TMEM132B: variants seen among roughly 807,000 people sequenced by gnomAD.
TMEM132B encodes transmembrane protein 132B.
In TMEM132B, 18 loss-of-function variants were observed where a neutral mutation model predicts 90.8. That is an observed-to-expected ratio of 0.20 (90% CI 0.14 to 0.29). The LOEUF (loss-of-function observed/expected upper bound fraction) is 0.29. Among genes scored for constraint, TMEM132B ranks in the 10% least tolerant of loss-of-function variants. TMEM132B has a pLI of 1.00. For missense variants in TMEM132B, 1,096 were observed against 1,326.8 expected, an observed-to-expected ratio of 0.83 and a Z score of 2.70; for synonymous variants, 504 against 523.3, an observed-to-expected ratio of 0.96 and a Z score of 0.50.
intron 3 of TMEM132B, among the ~76,000 whole-genome samples, chr12:125,491,866 C>T (rs115297208): frequency 0.011 from 1,727 of 152,272 alleles, 42 homozygotes; most frequent in African/African-American, 0.04. Context: ...GTGCTTTTAC[C>T]TGAGGCCACT....
intron 3 of TMEM132B, among the ~76,000 whole-genome samples, chr12:125,508,758 CT>C (rs1004830895): frequency 6.8e-5 from 10 of 147,650 alleles, no homozygotes; most frequent in African/African-American, 1.7e-4. Flanking sequence ...TTAGAGTTTT[CT>C]TTTTTTTTCT....
chr12:125,579,739 G>A (rs985291493), intron 4 of TMEM132B, among the ~76,000 whole-genome samples: 3 of 152,040 alleles, frequency 2.0e-5, no homozygotes, highest in Non-Finnish European at 2.9e-5. Flanking sequence ...AAAAATAATT[G>A]TCATCTTTGT....
At chr12:125,241,397 C>G (rs1874064119) in intron 1 of TMEM132B, among the ~76,000 whole-genome samples, 1 of 152,172 alleles carries the variant, frequency 6.6e-6, no homozygotes, top group South Asian at 2.1e-4. Context: ...TTGTGATGCT[C>G]TATTTCAGCT....
intron 1 of TMEM132B, among the ~76,000 whole-genome samples, chr12:125,233,908 G>A (rs12367811): frequency 0.037 from 5,573 of 152,186 alleles, 120 homozygotes; most frequent in Non-Finnish European, 0.041. Flanking sequence ...CATAGCAGCC[G>A]TTTCATGAGC....
intron 5 of TMEM132B, among the ~76,000 whole-genome samples, chr12:125,628,996 C>A (rs926495717): frequency 6.6e-6 from 1 of 152,028 alleles, no homozygotes; most frequent in Non-Finnish European, 1.5e-5. Context: ...CTATTCTGTT[C>A]CATTGGTCTA....
chr12:125,541,095 C>T (rs992959314), intron 4 of TMEM132B, among the ~76,000 whole-genome samples: 1 of 152,228 alleles, frequency 6.6e-6, no homozygotes, highest in African/African-American at 2.4e-5. Context: ...TCAAATATCA[C>T]CTGGTAAGAG....
intron 4 of TMEM132B, among the ~76,000 whole-genome samples, chr12:125,548,840 CA>C (rs1402101175): frequency 2.0e-5 from 3 of 152,090 alleles, no homozygotes; most frequent in Non-Finnish European, 4.4e-5. Context: ...AAGGTCCAGG[CA>C]AGACACGATG....
At chr12:125,499,865 A>G (rs1407921074) in intron 3 of TMEM132B, among the ~76,000 whole-genome samples, 1 of 152,232 alleles carries the variant, frequency 6.6e-6, no homozygotes, top group Non-Finnish European at 1.5e-5. Flanking sequence ...TTACTGACGC[A>G]CACACTATAT....
Position 125,660,467 on chromosome 12 carries a change from A to G in TMEM132B, c.*5757A>G, listed in dbSNP as rs986272646. 6 of 152,172 alleles carry G rather than the reference A, an allele frequency of 3.9e-5. No homozygotes were observed. Among genetic ancestry groups the G allele is most frequent in the Non-Finnish European group, 8.8e-5 (6 of 68,034 alleles). 9.4% of individuals were successfully genotyped at this position (152,172 alleles called of 1,614,324 possible). ...AAATTTTTTGGTATTGAAATCCTTA[A>G]TGCCTGTTAGTTTCTTTATGGTTTT... On this transcript the variant is annotated 3_prime_UTR_variant, in exon 9 of 9. Coordinates refer to ENST00000682704, the MANE Select transcript of TMEM132B (RefSeq NM_001366854.1).
At chr12:125,353,377 AT>A (rs1416770116) in intron 2 of TMEM132B, among the ~76,000 whole-genome samples, 1 of 152,206 alleles carries the variant, frequency 6.6e-6, no homozygotes, top group African/African-American at 2.4e-5. Context: ...GCTACTCCTG[AT>A]ATAGAGATAA....
rs956541007 is a variant in TMEM132B at position 125,490,901 on chromosome 12, A to G, written c.1107-28538A>G. 1.3e-5 allele frequency among the ~76,000 whole-genome samples: 2 copies of G among 152,202 alleles called. No homozygotes were observed. The highest frequency in any genetic ancestry group is 2.9e-5 in the Non-Finnish European group (2 of 68,038). ...TTTCTTCCTTGCTGTTTCTTGGATC[A>G]TTCATTCTGGAGGAAGTTAGCTACC... On this transcript the variant is annotated intron_variant, in intron 3 of 8. Coordinates refer to ENST00000682704, the MANE Select transcript of TMEM132B (RefSeq NM_001366854.1). This position sits in a 1 kb window ranked among gnomAD's most constrained non-coding sequence, Gnocchi z 4.2.
chr12:125,544,486 A>G (rs1407153617), intron 4 of TMEM132B, among the ~76,000 whole-genome samples: 1 of 152,068 alleles, frequency 6.6e-6, no homozygotes, highest in Non-Finnish European at 1.5e-5. Flanking sequence ...TCAGCTCCCA[A>G]CTCTCCATGT....
In TMEM132B at chr12:125,281,806, A is replaced by G. The variant is rs540716381; in HGVS notation, c.68-67646A>G. Reference sequence around the variant, plus strand: ...CACTTTGGGAGGCCGAGGTGGGCGGATCACGAGGTCAGGAGATCGAGACCA... The same window carrying G: ...CACTTTGGGAGGCCGAGGTGGGCGGGTCACGAGGTCAGGAGATCGAGACCA... On this transcript the variant is annotated intron_variant, in intron 1 of 8. Transcript: ENST00000682704. 6.6e-5 allele frequency among the ~76,000 whole-genome samples: 10 copies of G among 151,978 alleles called. No homozygotes were observed. The South Asian group carries it at 2.1e-3, about 32-fold the overall frequency.
At chr12:125,352,722 G>C (rs778984392) in intron 2 of TMEM132B, among the ~76,000 whole-genome samples, 1 of 152,244 alleles carries the variant, frequency 6.6e-6, no homozygotes, top group Non-Finnish European at 1.5e-5. Flanking sequence ...CAGATGCAAA[G>C]AAGGAGAAAT....
intron 4 of TMEM132B, among the ~76,000 whole-genome samples, chr12:125,541,814 T>C (rs963623692): frequency 2.0e-5 from 3 of 150,426 alleles, no homozygotes; most frequent in African/African-American, 7.3e-5. Flanking sequence ...GGTCAGGAGA[T>C]CGAGACCATC....
intron 4 of TMEM132B, among the ~76,000 whole-genome samples, chr12:125,561,117 C>T (rs893628594): frequency 6.6e-6 from 1 of 152,100 alleles, no homozygotes; most frequent in African/African-American, 2.4e-5. Context: ...GGCTTGAAAC[C>T]AACCCAAATG....
chr12:125,455,498 A>G (rs1566041546), intron 3 of TMEM132B, among the ~76,000 whole-genome samples: 2 of 152,138 alleles, frequency 1.3e-5, no homozygotes, highest in Admixed American at 1.3e-4. Flanking sequence ...CGGGAGGTTT[A>G]AATAAGAAGA....
intron 5 of TMEM132B, among the ~76,000 whole-genome samples, chr12:125,605,316 G>A (rs779835114): frequency 1.3e-4 from 20 of 152,282 alleles, no homozygotes; most frequent in Non-Finnish European, 2.4e-4. Context: ...GTACTGATTG[G>A]ACAGTTAACC....
rs1027982711 is a variant in TMEM132B at position 125,353,182 on chromosome 12, T to G, written c.959+2839T>G. On this transcript the variant is annotated intron_variant, in intron 2 of 8. Transcript: ENST00000682704. ...CCAATCAACTGCAGCACTTCAGCAC[T>G]CCCTCTGCCATGGCAGACATTACCA... 4.6e-5 allele frequency among the ~76,000 whole-genome samples: 7 copies of G among 151,770 alleles called. 1 individual carries two copies. Among genetic ancestry groups the G allele is most frequent in the South Asian group, 2.1e-4 (1 of 4,814 alleles).
Sources: gnomAD v4.1 joint callset for allele counts (sites outside exome capture counted in the v4.1 genomes callset) on GRCh38, gnomAD v4.1.1 for gene constraint, Gnocchi (gnomAD v3.1) non-coding constraint, MANE v1.5 for transcripts, NCBI Gene and HGNC (gene_info 2026-07-23, HGNC 2026-07-21) for gene names.